The following ABCC1 variants were observed in gnomAD, a reference collection of about 807,000 sequenced individuals.
The protein encoded by ABCC1 is multidrug resistance-associated protein 1.
In ABCC1, 83 loss-of-function variants were observed where a neutral mutation model predicts 172.9. The ratio of observed to expected loss-of-function variants is 0.48; its 90% confidence interval spans 0.40 to 0.58. ABCC1 has a LOEUF of 0.58. Among genes scored for constraint, ABCC1 ranks in the 20% least tolerant of loss-of-function variants. The pLI is 0.00. For missense variants in ABCC1, 1,817 were observed against 2,002.7 expected (o/e 0.91, Z 1.77); for synonymous variants, 937 against 825.2 (o/e 1.14, Z -2.32).
chr16:16,040,223 A>G (rs1302384488), intron 7 of ABCC1, among the ~76,000 whole-genome samples: 3 of 151,996 alleles, frequency 2.0e-5, no homozygotes, highest in African/African-American at 7.3e-5. Flanking sequence ...ATCCTCCCAG[A>G]GTAGCTGGGA....
chr16:15,976,289 A>C (rs1032709727), intron 1 of ABCC1, among the ~76,000 whole-genome samples: 4 of 152,190 alleles, frequency 2.6e-5, no homozygotes, highest in African/African-American at 9.6e-5. Flanking sequence ...AACTCAACAG[A>C]GAAAAGGCGG....
intron 1 of ABCC1, among the ~76,000 whole-genome samples, chr16:15,978,553 C>T (rs138184433): frequency 6.6e-6 from 1 of 152,056 alleles, no homozygotes; most frequent in Non-Finnish European, 1.5e-5. Context: ...CATTTATGGA[C>T]AAATCGTATC....
chr16:16,050,195 T>C (rs2049369424), intron 10 of ABCC1, among the ~76,000 whole-genome samples: 1 of 152,144 alleles, frequency 6.6e-6, no homozygotes, highest in Non-Finnish European at 1.5e-5. Flanking sequence ...CTGGACGAAA[T>C]GGCTCATGCT....
At chr16:16,128,174 T>C (rs898269579) in intron 26 of ABCC1, among the ~76,000 whole-genome samples, 14 of 45,180 alleles carry the variant, frequency 3.1e-4, no homozygotes, top group African/African-American at 7.9e-4. Context: ...TTCAGTTAGA[T>C]TGAATTCAGT....
intron 1 of ABCC1, among the ~76,000 whole-genome samples, chr16:15,959,213 G>T (rs141651300): frequency 1.3e-5 from 2 of 152,250 alleles, no homozygotes; most frequent in African/African-American, 4.8e-5. Context: ...AGAAACTTGC[G>T]GCAGTTTCTT....
chr16:16,069,924 T>C (rs2050270423), intron 13 of ABCC1, among the ~76,000 whole-genome samples: 1 of 152,134 alleles, frequency 6.6e-6, no homozygotes, highest in African/African-American at 2.4e-5. Context: ...ATCTGGAGGC[T>C]GAGACACGAG....
intron 26 of ABCC1, among the ~76,000 whole-genome samples, chr16:16,128,139 C>T (rs547824940): frequency 1.3e-5 from 2 of 150,252 alleles, no homozygotes; most frequent in South Asian, 4.2e-4. Context: ...ATTTCACATG[C>T]CATGGAATTC....
chr16:16,131,158 C>A (rs866358585), intron 26 of ABCC1, among the ~76,000 whole-genome samples: 1 of 152,032 alleles, frequency 6.6e-6, no homozygotes, highest in Admixed American at 6.6e-5. Flanking sequence ...ATCAGTTGTA[C>A]AATTATTTTA....
intron 19 of ABCC1, among the ~76,000 whole-genome samples, chr16:16,099,303 G>C (rs2239996): frequency 1.8e-4 from 27 of 152,178 alleles, no homozygotes; most frequent in African/African-American, 4.8e-4. Flanking sequence ...ACACACATGG[G>C]CCCAGACAAT....
intron 7 of ABCC1, 100 bp downstream of exon 7, chr16:16,036,703 C>A (rs2048773300): frequency 7.5e-7 from 1 of 1,329,340 alleles, no homozygotes; most frequent in Admixed American, 2.0e-5. Flanking sequence ...CTGCCTGTTA[C>A]TAGCTTTGTG....
intron 1 of ABCC1, among the ~76,000 whole-genome samples, chr16:15,971,928 G>C (rs981159197): frequency 2.0e-5 from 3 of 152,012 alleles, no homozygotes; most frequent in African/African-American, 4.8e-5. Context: ...AAGGAAGAAG[G>C]TCCCCTGTAC....
intron 29 of ABCC1, 134 bp downstream of exon 29, chr16:16,136,778 T>C (rs2045932636): frequency 1.9e-6 from 2 of 1,049,748 alleles, no homozygotes; most frequent in Admixed American, 5.7e-5. Context: ...CTTCACCTCT[T>C]GGAGCCTCAG....
At chr16:16,038,756 A>T (rs1305906113) in intron 7 of ABCC1, among the ~76,000 whole-genome samples, 2 of 152,296 alleles carry the variant, frequency 1.3e-5, no homozygotes, top group East Asian at 3.9e-4. Flanking sequence ...CCCGCTAAGC[A>T]GGCCACATTT....
At chr16:15,955,382 C>G (rs1216998608) in intron 1 of ABCC1, among the ~76,000 whole-genome samples, 1 of 152,084 alleles carries the variant, frequency 6.6e-6, no homozygotes, top group African/African-American at 2.4e-5. Flanking sequence ...GCCACCTGTT[C>G]GCTGCTGTGC....
At chr16:16,044,114 T>C (rs1036003241) in intron 7 of ABCC1, among the ~76,000 whole-genome samples, 6 of 152,220 alleles carry the variant, frequency 3.9e-5, no homozygotes, top group African/African-American at 1.4e-4. Context: ...TCTAAGTCTT[T>C]AACTTATTCA....
intron 18 of ABCC1, among the ~76,000 whole-genome samples, 195 bp downstream of exon 18, chr16:16,087,186 G>A (rs1408625542): frequency 6.6e-6 from 1 of 152,150 alleles, no homozygotes; most frequent in East Asian, 1.9e-4. Context: ...ATAGGGGTAA[G>A]TCCTCCGCGC....
intron 17 of ABCC1, among the ~76,000 whole-genome samples, chr16:16,086,221 C>T (rs149366152): frequency 7.6e-4 from 116 of 152,328 alleles, no homozygotes; most frequent in Non-Finnish European, 1.3e-3. Flanking sequence ...ACCACGTGCC[C>T]TGCTCAGCAC....
At chr16:16,134,897 C>T (rs536860955) in intron 28 of ABCC1, among the ~76,000 whole-genome samples, 6 of 152,292 alleles carry the variant, frequency 3.9e-5, no homozygotes, top group African/African-American at 1.2e-4. Flanking sequence ...CCACCTTGGC[C>T]TCCAAAAGTG....
rs112645270 is a variant in ABCC1 at position 15,980,302 on chromosome 16, C to T, written c.49-27514C>T. Among the ~76,000 whole-genome samples, 9 of 152,038 alleles carry T rather than the reference C, an allele frequency of 5.9e-5. No individual in the cohort carries two copies. In the East Asian group the frequency reaches 9.6e-4, roughly 16 times the overall value. ...GGAAGATTGCTTGAGCCCAGGAGTT[C>T]GAGACCAGCCTCAGCAACAAAGTGA... On this transcript the variant is annotated intron_variant, in intron 1 of 30. Transcript: ENST00000399410.
Sources: allele counts gnomAD v4.1 joint callset (sites outside exome capture counted in the v4.1 genomes callset), GRCh38; gene constraint gnomAD v4.1.1; transcripts MANE v1.5; gene names NCBI Gene and HGNC (gene_info 2026-07-23, HGNC 2026-07-21).